Variants in HSD17B6 observed in about 807,000 individuals in gnomAD.
HSD17B6 encodes the protein 17-beta-hydroxysteroid dehydrogenase type 6.
Under a neutral mutation model 26.4 loss-of-function variants are expected in HSD17B6, and 16 were observed. That is an observed-to-expected ratio of 0.61 (90% CI 0.41 to 0.92). The LOEUF is 0.92. Ranked by LOEUF, HSD17B6 falls within the 40% of genes least tolerant of loss-of-function variation. HSD17B6 has a pLI of 0.00. For synonymous variants in HSD17B6, 139 were observed against 153.0 expected (o/e 0.91, Z 0.68); for missense variants, 357 against 386.1 (o/e 0.92, Z 0.63).
At chr12:56,775,039 T>A (rs1954561173) in intron 2 of HSD17B6, among the ~76,000 whole-genome samples, 1 of 152,222 alleles carries the variant, frequency 6.6e-6, no homozygotes, top group Non-Finnish European at 1.5e-5. Context: ...GTGTTTTCTA[T>A]CCACAATTGA....
intron 1 of HSD17B6, among the ~76,000 whole-genome samples, chr12:56,769,611 A>G (rs1326855344): frequency 6.6e-6 from 1 of 152,262 alleles, no homozygotes; most frequent in Non-Finnish European, 1.5e-5. Context: ...ATATGATGTA[A>G]GAAAGCTGAA....
intron 1 of HSD17B6, among the ~76,000 whole-genome samples, chr12:56,767,645 T>A (rs925722151): frequency 7.1e-6 from 1 of 141,170 alleles, no homozygotes; most frequent in Non-Finnish European, 1.5e-5. Flanking sequence ...TATTAATATA[T>A]TATATATATT....
intron 3 of HSD17B6, among the ~76,000 whole-genome samples, chr12:56,783,967 G>T (rs946469257): frequency 6.6e-6 from 1 of 151,970 alleles, no homozygotes; most frequent in African/African-American, 2.4e-5. Context: ...AGACGGGGCA[G>T]CCGGGCAGAG....
chr12:56,767,238 C>T (rs533342020), intron 1 of HSD17B6, among the ~76,000 whole-genome samples: 4 of 152,064 alleles, frequency 2.6e-5, no homozygotes, highest in Admixed American at 6.6e-5. Flanking sequence ...CACTGCCAGG[C>T]GCGGTGGCTC....
intron 1 of HSD17B6, among the ~76,000 whole-genome samples, chr12:56,771,184 T>C (rs368940634): frequency 5.9e-5 from 9 of 152,294 alleles, no homozygotes; most frequent in African/African-American, 2.2e-4. Flanking sequence ...AAGCTCTTCC[T>C]ATCTTCTCCT....
intron 1 of HSD17B6, among the ~76,000 whole-genome samples, chr12:56,764,370 C>T (rs1253037722): frequency 1.3e-5 from 2 of 152,090 alleles, no homozygotes; most frequent in Non-Finnish European, 2.9e-5. Context: ...GAGAGGTCCT[C>T]GCTTGAGACA....
chr12:56,783,646 C>A lies in HSD17B6; in HGVS notation c.573-1207C>A, dbSNP rs1488404442. On this transcript the variant is annotated intron_variant, in intron 3 of 4. Transcript: ENST00000322165. Reference sequence around the variant, plus strand: ...CGGCTGGCCGGGTGGGGGGCTGACCCCCCCCACCTCCCTCTCGGACGGGAC... The same window carrying A: ...CGGCTGGCCGGGTGGGGGGCTGACCACCCCCACCTCCCTCTCGGACGGGAC... Among the ~76,000 whole-genome samples, 53 of 120,212 alleles carry A rather than the reference C, an allele frequency of 4.4e-4. 1 individual carries two copies. Among genetic ancestry groups the A allele is most frequent in the African/African-American group, 1.8e-3 (52 of 28,240 alleles). 78.9% of individuals were successfully genotyped at this position (120,212 alleles called of 152,430 possible).
intron 4 of HSD17B6, 22 bp from the exon 5 acceptor site, chr12:56,787,103 C>A (rs1592380047): frequency 1.9e-6 from 3 of 1,550,810 alleles, no homozygotes; most frequent in Non-Finnish European, 2.7e-6. Flanking sequence ...TTGTTGACCA[C>A]CATTTCTTTT....
chr12:56,783,683 C>T (rs1184664897), intron 3 of HSD17B6, among the ~76,000 whole-genome samples: 9 of 131,840 alleles, frequency 6.8e-5, no homozygotes, highest in African/African-American at 2.6e-4. Flanking sequence ...GCTGGCCGGG[C>T]GGGGGGCTGA....
intron 1 of HSD17B6, among the ~76,000 whole-genome samples, chr12:56,766,279 C>G (rs544919247): frequency 1.3e-5 from 2 of 152,180 alleles, no homozygotes; most frequent in Non-Finnish European, 2.9e-5. Context: ...TCACACAAAG[C>G]CTGTTTGGTG....
intron 4 of HSD17B6, chr12:56,786,038 A>G (rs1361273630): frequency 1.4e-6 from 1 of 704,830 alleles, no homozygotes; most frequent in East Asian, 1.3e-4. Flanking sequence ...TTTTGGGATG[A>G]TGAAAATGTT....
At chr12:56,777,245 A>G (rs565671135) in intron 2 of HSD17B6, among the ~76,000 whole-genome samples, 48 of 152,230 alleles carry the variant, frequency 3.2e-4, no homozygotes, top group African/African-American at 1.0e-3. Context: ...ACAGGGGTGC[A>G]CCACCATGCC....
rs545204865 is a variant in HSD17B6, at chr12:56,784,522, C to T, written c.573-331C>T. Among the ~76,000 whole-genome samples, 19 of 152,316 alleles carry T rather than the reference C, an allele frequency of 1.2e-4. No individual in the cohort carries two copies. In the South Asian group the frequency reaches 1.7e-3, roughly 13 times the overall value. ...AAACCCCGTCTCCACCAAAAAAATA[C>T]GAAAACCAGTCAGGCATGGTGGTGC... On this transcript the variant is annotated intron_variant, in intron 3 of 4. Transcript: ENST00000322165.
At position 56,773,957 on chromosome 12, in the gene HSD17B6, G is replaced by C. The variant is rs749388244; in HGVS notation, c.105G>C (p.Thr35=). The change falls in exon 2 of 5, where the codon ACG becomes ACC. Residue 35 remains threonine, a synonymous_variant. Coordinates refer to ENST00000322165, the MANE Select transcript of HSD17B6 (RefSeq NM_003725.4). ...SHLQDKYVFI[T]GCDSGFGNLL... is the part of the protein sequence containing the mutation. ...TCCAAGACAAGTATGTCTTTATCAC[G>C]GGCTGTGACTCGGGCTTTGGGAACC... 61 of 1,613,984 alleles carry C rather than the reference G, an allele frequency of 3.8e-5. No individual in the cohort carries two copies. Among genetic ancestry groups the C allele is most frequent in the Non-Finnish European group, 4.9e-5 (58 of 1,180,026 alleles).
intron 2 of HSD17B6, among the ~76,000 whole-genome samples, chr12:56,777,929 A>G (rs1375645786): frequency 6.6e-6 from 1 of 152,108 alleles, no homozygotes; most frequent in Non-Finnish European, 1.5e-5. Context: ...GTCAGAAGTT[A>G]TGGGTAGTTA....
At chr12:56,778,714 G>C (rs1209988317) in intron 2 of HSD17B6, among the ~76,000 whole-genome samples, 1 of 123,996 alleles carries the variant, frequency 8.1e-6, no homozygotes, top group Non-Finnish European at 1.6e-5. Context: ...TCACTCAGTC[G>C]CCCAGGCTGG....
rs377391956 is a variant in HSD17B6 at position 56,773,876 on chromosome 12, C to T, written c.24C>T (p.Phe8=). 96 of 1,579,782 alleles carry T rather than the reference C, an allele frequency of 6.1e-5. 1 individual carries two copies. The Admixed American group carries it at 9.7e-4, about 16-fold the overall frequency. The change falls in exon 2 of 5, where the codon TTC becomes TTT. Residue 8 remains phenylalanine, a synonymous_variant. Coordinates refer to ENST00000322165, the MANE Select transcript of HSD17B6 (RefSeq NM_003725.4). MWLYLAA[F]VGLYYLLHWY... ...CTATGTGGCTCTACCTGGCGGCCTT[C>T]GTGGGCCTGTACTACCTTCTGCACT...
chr12:56,783,266 G>A (rs1412482835), intron 3 of HSD17B6, among the ~76,000 whole-genome samples: 1 of 150,700 alleles, frequency 6.6e-6, no homozygotes, highest in Non-Finnish European at 1.5e-5. Context: ...CGGGCGGGGG[G>A]CTGACCCCCC....
chr12:56,767,888 CATAT>C (rs536860203), intron 1 of HSD17B6, among the ~76,000 whole-genome samples: 2 of 148,660 alleles, frequency 1.3e-5, no homozygotes, highest in African/African-American at 2.5e-5. Context: ...CGTATATACA[CATAT>C]ATATACAATG....
Sources: allele counts gnomAD v4.1 joint callset (sites outside exome capture counted in the v4.1 genomes callset), GRCh38; gene constraint gnomAD v4.1.1; transcripts MANE v1.5; gene names NCBI Gene and HGNC (gene_info 2026-07-23, HGNC 2026-07-21).